Variants in SP6 observed in about 807,000 individuals in gnomAD.
SP6 encodes Sp6 transcription factor, also known as transcription factor Sp6.
A neutral mutation model predicts 23.4 loss-of-function variants in SP6; 10 were observed. The observed-to-expected ratio is 0.43, with a 90% CI of 0.26 to 0.72. SP6 has a LOEUF of 0.72. Among genes scored for constraint, SP6 ranks in the 30% least tolerant of loss-of-function variants. The pLI is 0.23. For missense variants in SP6, 482 were observed against 523.8 expected, an observed-to-expected ratio of 0.92 and a Z score of 0.78; for synonymous variants, 238 against 238.7, an observed-to-expected ratio of 1.00 and a Z score of 0.03.
the SP6 span, among the ~76,000 whole-genome samples, chr17:47,871,917 G>A: frequency 1.3e-5 from 2 of 152,124 alleles, no homozygotes; most frequent in African/African-American, 2.4e-5. Context: ...CACCGCGCCC[G>A]GCCTCTGGTC....
At chr17:47,857,756 T>C (rs1044085705), upstream of SP6, among the ~76,000 whole-genome samples, 99 of 152,228 alleles carry the variant, frequency 6.5e-4, no homozygotes, top group African/African-American at 2.3e-3. Context: ...CCATGCGGCC[T>C]GTAGCTTGGA....
intron 1 of SP6, among the ~76,000 whole-genome samples, chr17:47,849,346 T>C (rs1368973332): frequency 6.6e-6 from 1 of 152,192 alleles, no homozygotes; most frequent in African/African-American, 2.4e-5. Flanking sequence ...AGAGAAGAGC[T>C]TGACAGCAAG....
At chr17:47,865,506 G>C in the SP6 span, among the ~76,000 whole-genome samples, 5 of 152,134 alleles carry the variant, frequency 3.3e-5, no homozygotes, top group Non-Finnish European at 7.3e-5. Context: ...CCTGGGGAAG[G>C]CTCCACCTCC....
chr17:47,856,858 TC>T (rs971017006), upstream of SP6, among the ~76,000 whole-genome samples: 8 of 151,824 alleles, frequency 5.3e-5, no homozygotes, highest in African/African-American at 1.9e-4. Context: ...ACATGCTACC[TC>T]CCTCCCAGGA....
Position 47,847,921 on chromosome 17 carries a change from G to A in SP6, c.509C>T (p.Ala170Val), listed in dbSNP as rs1054037612. Residue 170 changes from alanine (A) to valine (V), a missense_variant, in exon 2 of 2, where the codon GCG becomes GTG. Ala to Val is a moderately conservative substitution (Grantham distance 64). Around this residue, in one of 3 missense-constraint regions of SP6, gnomAD observed 330 missense variants for 332.3 expected, o/e 0.99. Coordinates refer to ENST00000536300, the MANE Select transcript of SP6 (RefSeq NM_001258248.2). ...TCCGGCAGCTGGAAGGAGGTGGTGCGCATGCGGGTGGGGTGGCGGGGCACA... is the reference window on the plus strand; with the variant it reads ...TCCGGCAGCTGGAAGGAGGTGGTGCACATGCGGGTGGGGTGGCGGGGCACA... ...QLCAPPPHPH[A>V]HHLLPAAGGQ... 6.4e-7 allele frequency: 1 copy of A among 1,566,014 alleles called. No homozygotes were observed. The highest frequency in any genetic ancestry group is 1.2e-5 in the South Asian group (1 of 85,992).
Position 47,847,591 on chromosome 17 carries a change from C to T in SP6, c.839G>A (p.Gly280Asp), listed in dbSNP as rs1000249493. The change falls in exon 2 of 2, where the codon GGC (glycine) becomes GAC (aspartate). Residue 280 changes from glycine (G) to aspartate (D), a missense_variant. This residue lies in a region of SP6 where 51 missense variants were observed against 92.1 expected (regional missense o/e 0.55). Transcript: ENST00000536300. ...CCAGTTGCACACGAAGGGACGGTCGCCGCTGTGCCAGCGCAGGTGCGCCTT... is the reference window on the plus strand; with the variant it reads ...CCAGTTGCACACGAAGGGACGGTCGTCGCTGTGCCAGCGCAGGTGCGCCTT... ...HLKAHLRWHS[G>D]DRPFVCNWLF... 1.2e-6 allele frequency: 2 copies of T among 1,613,528 alleles called. No homozygotes were observed. Among genetic ancestry groups the T allele is most frequent in the African/African-American group, 2.7e-5 (2 of 74,948 alleles).
At chr17:47,857,032 G>GAGGC (rs1457750897), upstream of SP6, among the ~76,000 whole-genome samples, 2 of 151,996 alleles carry the variant, frequency 1.3e-5, no homozygotes, top group Non-Finnish European at 2.9e-5. Context: ...TGAGAACACT[G>GAGGC]AGGCCCTGAA....
chr17:47,860,400 C>T (rs1251881816), upstream of SP6, among the ~76,000 whole-genome samples: 2 of 152,180 alleles, frequency 1.3e-5, no homozygotes, highest in African/African-American at 2.4e-5. Flanking sequence ...TGTGTAAGAT[C>T]GTGAGTTCCT....
upstream of SP6, among the ~76,000 whole-genome samples, chr17:47,858,340 C>T (rs185324214): frequency 3.3e-4 from 51 of 152,256 alleles, 1 homozygote; most frequent in East Asian, 6.2e-3. Flanking sequence ...TTCCTCCCAC[C>T]CCTAAGCTTG....
chr17:47,871,396 T>C, the SP6 span, among the ~76,000 whole-genome samples: 1 of 152,242 alleles, frequency 6.6e-6, no homozygotes, highest in Non-Finnish European at 1.5e-5. Context: ...AGTCCAGTCT[T>C]CATTCAACCT....
upstream of SP6, among the ~76,000 whole-genome samples, chr17:47,855,437 C>A (rs1488677137): frequency 6.6e-6 from 1 of 152,222 alleles, no homozygotes; most frequent in African/African-American, 2.4e-5. Context: ...TGAATCCCTA[C>A]CCCACTTCTC....
At position 47,848,795 on chromosome 17, in the gene SP6, C is replaced by T. The variant is rs1180152774; in HGVS notation, c.-57-309G>A. Among the ~76,000 whole-genome samples the T allele has an allele frequency of 6.6e-6, 1 of 152,096 alleles. No homozygotes were observed. The highest frequency in any genetic ancestry group is 1.9e-4 in the East Asian group (1 of 5,186). On this transcript the variant is annotated intron_variant, in intron 1 of 1. Coordinates refer to ENST00000536300, the MANE Select transcript of SP6 (RefSeq NM_001258248.2). The surrounding 1 kb of genome is among the most constrained non-coding windows in gnomAD (Gnocchi z 5.3). ...ACCTACAGCACAGTGCTAGAACCAT[C>T]CCCACCCCAGCTGCCCAGGCCAACA...
In SP6 at chr17:47,847,371, G is replaced by C; in HGVS notation, c.1059C>G (p.Ala353=). 2 of 1,609,932 alleles carry C rather than the reference G, an allele frequency of 1.2e-6. No individual in the cohort carries two copies. The highest frequency in any genetic ancestry group is 1.7e-6 in the Non-Finnish European group (2 of 1,178,254). ...CCCCGGGGGGCTCCACTGCGCCGCC[G>C]GCCTTGCCCTCTCCCGAGGCCGCCC... ...AAGAASGEGK[A]GGAVEPPGGK... Residue 353 remains alanine (A), a synonymous_variant, in exon 2 of 2, where the codon GCC becomes GCG. Transcript: ENST00000536300.
At chr17:47,872,070 G>A in the SP6 span, among the ~76,000 whole-genome samples, 1 of 152,134 alleles carries the variant, frequency 6.6e-6, no homozygotes, top group Non-Finnish European at 1.5e-5. Flanking sequence ...TAAACAAGTG[G>A]TTGAAAAATA....
Position 47,847,474 on chromosome 17 carries a change from C to T in SP6, c.956G>A (p.Cys319Tyr), listed in dbSNP as rs1429493616. Residue 319 changes from cysteine (C) to tyrosine (Y), a missense_variant, in exon 2 of 2, where the codon TGC becomes TAC. Physicochemically the swap from Cys to Tyr is radical, Grantham distance 194. Around this residue, in one of 3 missense-constraint regions of SP6, gnomAD observed 101 missense variants for 99.3 expected, o/e 1.02. Transcript: ENST00000536300. ...GTCGCTGCGCATGAAGACGCGGCTGCAGACTGCACAGGGGAACTTCTTGGT... is the reference window on the plus strand; with the variant it reads ...GTCGCTGCGCATGAAGACGCGGCTGTAGACTGCACAGGGGAACTTCTTGGT... ...TGTKKFPCAVCSRVFMRSDHL... is the reference protein window; with the variant it reads ...TGTKKFPCAVYSRVFMRSDHL... 1.2e-6 allele frequency: 2 copies of T among 1,613,754 alleles called. No individual in the cohort carries two copies. The highest frequency in any genetic ancestry group is 8.5e-7 in the Non-Finnish European group (1 of 1,179,936).
chr17:47,853,218 G>A (rs2074185), upstream of SP6, among the ~76,000 whole-genome samples: 19,999 of 152,264 alleles, frequency 0.13, 1,519 homozygotes, highest in Middle Eastern at 0.22. Flanking sequence ...TTGCCTTCTT[G>A]TTACTTGGGG....
At chr17:47,875,663 T>G in the SP6 span, among the ~76,000 whole-genome samples, 19 of 152,346 alleles carry the variant, frequency 1.2e-4, no homozygotes, top group South Asian at 3.9e-3. Context: ...GAACCTCTTT[T>G]TCCTGAGATG....
upstream of SP6, among the ~76,000 whole-genome samples, chr17:47,857,228 C>T (rs1423554532): frequency 2.0e-5 from 3 of 152,046 alleles, no homozygotes; most frequent in Non-Finnish European, 4.4e-5. Context: ...GCTTCCCTGT[C>T]CCTCCCCACC....
chr17:47,848,052 G>A lies in SP6; in HGVS notation c.378C>T (p.Gly126=). The change falls in exon 2 of 2, where the codon GGC becomes GGT. Residue 126 remains glycine (G), a synonymous_variant. Coordinates refer to ENST00000536300, the MANE Select transcript of SP6 (RefSeq NM_001258248.2). This position sits in a 1 kb window ranked among gnomAD's most constrained non-coding sequence, Gnocchi z 5.3. ...EDGSWWDLHP[G]TSWMDLPHTQ... ...TGTGGGGGAGGTCCATCCAGCTGGT[G>A]CCCGGATGAAGGTCCCACCACGAGC... 6.2e-7 allele frequency: 1 copy of A among 1,612,874 alleles called. No homozygotes were observed. Among genetic ancestry groups the A allele is most frequent in the Middle Eastern group, 1.7e-4 (1 of 6,042 alleles).
Sources: allele counts gnomAD v4.1 joint callset (sites outside exome capture counted in the v4.1 genomes callset), GRCh38; gene constraint gnomAD v4.1.1; regional missense constraint gnomAD v4.1.1; non-coding constraint Gnocchi (gnomAD v3.1); transcripts MANE v1.5; gene names NCBI Gene and HGNC (gene_info 2026-07-23, HGNC 2026-07-21).